The following PRKG1 variants were observed in gnomAD, a reference collection of about 807,000 sequenced individuals.
The protein encoded by PRKG1 is protein kinase cGMP-dependent 1, also known as cGMP-dependent protein kinase 1.
Under a neutral mutation model 88.1 loss-of-function variants are expected in PRKG1, and 35 were observed. The observed-to-expected ratio is 0.40, with a 90% CI of 0.30 to 0.53. The LOEUF (loss-of-function observed/expected upper bound fraction) is 0.53, where lower values mean the gene tolerates loss of function less well. PRKG1 is among the 20% of genes least tolerant of loss of function. PRKG1 has a pLI of 0.59. For missense variants in PRKG1, 540 were observed against 839.8 expected (o/e 0.64, Z 4.41); for synonymous variants, 303 against 292.5 (o/e 1.04, Z -0.37).
intron 3 of PRKG1, among the ~76,000 whole-genome samples, chr10:51,581,913 C>T (rs538205787): frequency 6.6e-6 from 1 of 151,514 alleles, no homozygotes; most frequent in South Asian, 2.1e-4. Flanking sequence ...TAAACACACT[C>T]CAATGAAGGA....
Position 51,970,695 on chromosome 10 carries a change from A to ATC in PRKG1, c.762+63126_762+63127dup, listed in dbSNP as rs1276882329. Among the ~76,000 whole-genome samples, 5 of 143,730 alleles carry ATC rather than the reference A, an allele frequency of 3.5e-5. No individual in the cohort carries two copies. In the East Asian group the frequency reaches 9.9e-4, roughly 28 times the overall value. 94.3% of individuals were successfully genotyped at this position (143,730 alleles called of 152,430 possible). ...ACATGATTAATCATCTGATATATAT[A>ATC]TCAGATATATCATCTGATATATATA... is the stretch of plus-strand genomic sequence containing the variant. On this transcript the variant is annotated intron_variant, in intron 5 of 17. Coordinates refer to ENST00000373980, the MANE Select transcript of PRKG1 (RefSeq NM_006258.4).
intron 8 of PRKG1, among the ~76,000 whole-genome samples, chr10:52,153,294 A>C (rs2132671624): frequency 6.6e-6 from 1 of 152,348 alleles, no homozygotes; most frequent in East Asian, 1.9e-4. Flanking sequence ...TATTTCAATA[A>C]AAATATTAGA....
At chr10:51,720,406 G>C (rs999611650) in intron 3 of PRKG1, among the ~76,000 whole-genome samples, 3 of 152,118 alleles carry the variant, frequency 2.0e-5, no homozygotes, top group African/African-American at 7.2e-5. Flanking sequence ...TATCTTGCTA[G>C]TTAATAACAA....
intron 3 of PRKG1, among the ~76,000 whole-genome samples, chr10:51,728,634 G>A (rs959988803): frequency 6.6e-6 from 1 of 151,924 alleles, no homozygotes; most frequent in African/African-American, 2.4e-5. Context: ...ATCTGAACTA[G>A]TGCCTGGCAC....
chr10:51,544,863 A>T (rs182466845), intron 3 of PRKG1, among the ~76,000 whole-genome samples: 5 of 152,308 alleles, frequency 3.3e-5, no homozygotes, highest in Admixed American at 2.6e-4. Context: ...CCCATCAAAA[A>T]TTGGGCAAAG....
chr10:52,085,139 C>T (rs1333308276), intron 7 of PRKG1, among the ~76,000 whole-genome samples: 1 of 152,064 alleles, frequency 6.6e-6, no homozygotes, highest in Non-Finnish European at 1.5e-5. Flanking sequence ...TAGGTCATTG[C>T]TCAGAGTTTC....
At chr10:51,227,190 G>A (rs549887552) in intron 2 of PRKG1, among the ~76,000 whole-genome samples, 5 of 150,538 alleles carry the variant, frequency 3.3e-5, no homozygotes, top group African/African-American at 1.2e-4. Flanking sequence ...ATATATATAT[G>A]TGTCTATATC....
At chr10:51,343,654 A>C (rs1438556065) in intron 2 of PRKG1, among the ~76,000 whole-genome samples, 2 of 152,156 alleles carry the variant, frequency 1.3e-5, no homozygotes, top group Non-Finnish European at 2.9e-5. Flanking sequence ...ATTATTTTTC[A>C]CTTAATTTTC....
chr10:51,999,766 A>G (rs1015619), intron 5 of PRKG1, among the ~76,000 whole-genome samples: 29,908 of 151,998 alleles, frequency 0.2, 3,763 homozygotes, highest in East Asian at 0.35. Flanking sequence ...TCAGGTACAG[A>G]TGTATTTTTC....
chr10:52,226,899 G>A (rs1840402601), intron 9 of PRKG1, among the ~76,000 whole-genome samples: 1 of 152,126 alleles, frequency 6.6e-6, no homozygotes, highest in Non-Finnish European at 1.5e-5. Flanking sequence ...ATGTGCAGAT[G>A]CTATTAAATA....
intron 2 of PRKG1, among the ~76,000 whole-genome samples, chr10:51,174,583 C>A (rs1409139907): frequency 6.6e-6 from 1 of 151,894 alleles, no homozygotes; most frequent in Non-Finnish European, 1.5e-5. Flanking sequence ...TGTGAATATT[C>A]CCATCATGGT....
chr10:51,802,513 G>A (rs1839198675), intron 3 of PRKG1, among the ~76,000 whole-genome samples: 1 of 152,084 alleles, frequency 6.6e-6, no homozygotes, highest in Admixed American at 6.6e-5. Context: ...GGCATCAGAT[G>A]CTACACAGGC....
At chr10:51,936,256 C>T (rs547263981) in intron 5 of PRKG1, among the ~76,000 whole-genome samples, 1 of 151,898 alleles carries the variant, frequency 6.6e-6, no homozygotes, top group Non-Finnish European at 1.5e-5. Flanking sequence ...ATTTATGTGC[C>T]ATTATTATGA....
chr10:51,934,004 ATTAT>A (rs939355444), intron 5 of PRKG1, among the ~76,000 whole-genome samples: 7 of 152,178 alleles, frequency 4.6e-5, no homozygotes, highest in African/African-American at 1.7e-4. Flanking sequence ...GAGTGAGCAG[ATTAT>A]TTATGTGTAT....
rs183423991 is a variant in PRKG1, at chr10:51,783,656, G to A, written c.593-20929G>A. ...ACCACCTGGGAATTTAAGTGTGTAC[G>A]TGTTTAAGCCCCAGCCAAGACCTAC... On this transcript the variant is annotated intron_variant, in intron 3 of 17. Transcript: ENST00000373980. Among the ~76,000 whole-genome samples the A allele has an allele frequency of 6.6e-5, 10 of 152,176 alleles. 1 individual carries two copies. The East Asian group carries it at 1.4e-3, about 21-fold the overall frequency.
At chr10:51,478,791 G>C (rs1289563155) in intron 3 of PRKG1, among the ~76,000 whole-genome samples, 1 of 151,082 alleles carries the variant, frequency 6.6e-6, no homozygotes, top group Non-Finnish European at 1.5e-5. Flanking sequence ...CCCAATCTAC[G>C]TGGAACCCAA....
chr10:51,944,171 G>A (rs1008795875), intron 5 of PRKG1, among the ~76,000 whole-genome samples: 8 of 152,000 alleles, frequency 5.3e-5, no homozygotes, highest in Non-Finnish European at 1.2e-4. Context: ...CTTCTTCCTG[G>A]TTTAGTCTTG....
chr10:51,483,001 T>TTTTC, intron 3 of PRKG1, among the ~76,000 whole-genome samples: 1 of 123,164 alleles, frequency 8.1e-6, no homozygotes, highest in South Asian at 3.0e-4. Context: ...GAATCTTTTC[T>TTTTC]TTTCTTTCTT....
chr10:51,463,834 C>T (rs1056153100), intron 2 of PRKG1, among the ~76,000 whole-genome samples: 1 of 152,156 alleles, frequency 6.6e-6, no homozygotes, highest in African/African-American at 2.4e-5. Context: ...ATTAAAGTAT[C>T]CAGTGTGTCC....
Sources: gnomAD v4.1 joint callset for allele counts (sites outside exome capture counted in the v4.1 genomes callset) on GRCh38, gnomAD v4.1.1 for gene constraint, MANE v1.5 for transcripts, NCBI Gene and HGNC (gene_info 2026-07-23, HGNC 2026-07-21) for gene names.